Variants in RBM6 observed in about 807,000 individuals in gnomAD.
RBM6 encodes RNA-binding protein 6.
A neutral mutation model predicts 140.4 loss-of-function variants in RBM6; 23 were observed. The ratio of observed to expected loss-of-function variants is 0.16; its 90% CI spans 0.12 to 0.23. The LOEUF (loss-of-function observed/expected upper bound fraction) is 0.23, where lower values mean the gene tolerates loss of function less well. Among genes scored for constraint, RBM6 ranks in the 10% least tolerant of loss-of-function variants. The pLI is 1.00. For synonymous variants in RBM6, 439 were observed against 475.6 expected (o/e 0.92, Z 1.00); for missense variants, 1,139 against 1,386.7 (o/e 0.82, Z 2.84).
At chr3:49,958,458 C>T (rs2084113717) in intron 1 of RBM6, among the ~76,000 whole-genome samples, 1 of 152,152 alleles carries the variant, frequency 6.6e-6, no homozygotes, top group Non-Finnish European at 1.5e-5. Context: ...CACCTGTAGT[C>T]CCAGCTACTC....
intron 5 of RBM6, among the ~76,000 whole-genome samples, chr3:49,995,701 G>A (rs1353273740): frequency 6.6e-6 from 1 of 152,158 alleles, no homozygotes; most frequent in Non-Finnish European, 1.5e-5. Context: ...GAAGAAAGGG[G>A]TAATAAAGTA....
intron 6 of RBM6, among the ~76,000 whole-genome samples, chr3:50,012,830 C>T (rs367650263): frequency 2.0e-5 from 3 of 150,964 alleles, no homozygotes; most frequent in African/African-American, 7.3e-5. Context: ...ACAACCTCCC[C>T]GTCCCGGGTT....
chr3:49,975,475 T>C, intron 5 of RBM6, 83 bp downstream of exon 5: 1 of 1,198,474 alleles, frequency 8.3e-7, no homozygotes, highest in South Asian at 1.3e-5. Flanking sequence ...TAAAATTTGT[T>C]TCAAGAAACC....
intron 6 of RBM6, among the ~76,000 whole-genome samples, chr3:50,006,971 T>A (rs1276324864): frequency 1.3e-5 from 2 of 151,390 alleles, no homozygotes; most frequent in African/African-American, 4.9e-5. Flanking sequence ...ACAAAGTGAA[T>A]GTTGAGTGCA....
At chr3:49,941,850 G>T (rs1252537527) in intron 1 of RBM6, among the ~76,000 whole-genome samples, 2 of 151,072 alleles carry the variant, frequency 1.3e-5, no homozygotes, top group Non-Finnish European at 2.9e-5. Context: ...TTACAGGCGT[G>T]AGCCACCGTG....
chr3:49,976,780 C>T (rs1026615433), intron 5 of RBM6, among the ~76,000 whole-genome samples: 1 of 152,160 alleles, frequency 6.6e-6, no homozygotes, highest in Non-Finnish European at 1.5e-5. Flanking sequence ...ATTGTATTAA[C>T]ATATAGTGTC....
intron 8 of RBM6, 79 bp from the exon 9 acceptor site, chr3:50,057,649 A>G: frequency 3.1e-6 from 4 of 1,307,328 alleles, no homozygotes; most frequent in South Asian, 3.0e-5. Flanking sequence ...GTAAGGAGAA[A>G]TTACAGTAGC....
chr3:49,979,903 A>G (rs963071347), intron 5 of RBM6, among the ~76,000 whole-genome samples: 3 of 152,202 alleles, frequency 2.0e-5, no homozygotes, highest in Non-Finnish European at 4.4e-5. Flanking sequence ...ATTTTTGGGT[A>G]TAATGGAATT....
intron 8 of RBM6, among the ~76,000 whole-genome samples, chr3:50,057,026 A>G (rs1411600366): frequency 6.6e-6 from 1 of 152,210 alleles, no homozygotes; most frequent in East Asian, 1.9e-4. Flanking sequence ...TGTTTCTACT[A>G]AACCTTAAGT....
chr3:49,959,188 C>CTTTT (rs35892482), intron 1 of RBM6, among the ~76,000 whole-genome samples: 3 of 124,944 alleles, frequency 2.4e-5, no homozygotes, highest in African/African-American at 6.3e-5. Flanking sequence ...GATTTTTTTC[C>CTTTT]TTTTTTTTTT....
chr3:50,018,470 C>T (rs948912649), intron 6 of RBM6, among the ~76,000 whole-genome samples: 6 of 150,730 alleles, frequency 4.0e-5, no homozygotes, highest in Admixed American at 6.6e-5. Context: ...TTGACAGTTA[C>T]GAATAAAGCT....
chr3:49,996,827 A>G (rs571893700), intron 5 of RBM6, among the ~76,000 whole-genome samples: 44 of 152,330 alleles, frequency 2.9e-4, no homozygotes, highest in Non-Finnish European at 5.1e-4. Flanking sequence ...AAATTGGTCT[A>G]TGATCTTATT....
chr3:49,994,669 G>GGTGTGTGTGTGT (rs59949998), intron 5 of RBM6, among the ~76,000 whole-genome samples: 4,753 of 148,218 alleles, frequency 0.032, 134 homozygotes, highest in African/African-American at 0.062. Context: ...AAGGCTGTGG[G>GGTGTGTGTGTGT]GTGTGTGTGT....
chr3:49,960,971 G>A (rs1305853430), intron 1 of RBM6, among the ~76,000 whole-genome samples: 1 of 147,758 alleles, frequency 6.8e-6, no homozygotes, highest in Admixed American at 6.8e-5. Flanking sequence ...ATGCAGTGGT[G>A]CGATCTTGGC....
At chr3:49,962,756 A>G in intron 2 of RBM6, 71 bp downstream of exon 2, 2 of 1,332,944 alleles carry the variant, frequency 1.5e-6, no homozygotes, top group South Asian at 2.7e-5. Context: ...TTCGCCTACT[A>G]TAAATGAAGA....
intron 19 of RBM6, 100 bp from the exon 20 acceptor site, chr3:50,075,101 A>G (rs1049605620): frequency 1.7e-5 from 23 of 1,381,176 alleles, no homozygotes; most frequent in Middle Eastern, 2.1e-4. Flanking sequence ...GGTTGCAGTA[A>G]GCTGAGTTCG....
Position 50,048,248 on chromosome 3 carries a change from A to T in RBM6, c.1561A>T (p.Thr521Ser). 2 of 1,612,830 alleles carry T rather than the reference A, an allele frequency of 1.2e-6. No individual in the cohort carries two copies. The highest frequency in any genetic ancestry group is 1.7e-6 in the Non-Finnish European group (2 of 1,179,510). The change falls in exon 7 of 21, where the codon ACT (threonine) becomes TCT (serine). Residue 521 changes from threonine to serine, a missense_variant. Around this residue, in one of 9 missense-constraint regions of RBM6, gnomAD observed 58 missense variants for 99.7 expected, o/e 0.58. Transcript: ENST00000266022. ...AIGCMEANQG[T>S]LMIQDKEVTL... ...GCTTCTGTCTTTGTCTTTACAGGGA[A>T]CTCTAATGATCCAGGACAAAGAAGT...
rs556078452 is a variant in RBM6, at chr3:49,977,444, G to T, written c.1483+2052G>T. ...CACTGATTGGATATTTCTATCACTG[G>T]TATTTTTCAGTTGGATCTATCACTG... On this transcript the variant is annotated intron_variant, in intron 5 of 20. Coordinates refer to ENST00000266022, the MANE Select transcript of RBM6 (RefSeq NM_005777.3). Among the ~76,000 whole-genome samples the T allele has an allele frequency of 5.9e-5, 9 of 152,172 alleles. No homozygotes were observed. In the South Asian group the frequency reaches 1.9e-3, roughly 32 times the overall value.
chr3:50,052,986 GGTGTGTGTGT>G (rs57244510), intron 7 of RBM6, among the ~76,000 whole-genome samples: 28,769 of 134,584 alleles, frequency 0.21, 3,388 homozygotes, highest in Non-Finnish European at 0.27. Context: ...AGTGGGCAGG[GGTGTGTGTGT>G]GTGTGTGTGT....
Sources: allele counts gnomAD v4.1 joint callset (sites outside exome capture counted in the v4.1 genomes callset), GRCh38; gene constraint gnomAD v4.1.1; regional missense constraint gnomAD v4.1.1; transcripts MANE v1.5; gene names NCBI Gene and HGNC (gene_info 2026-07-23, HGNC 2026-07-21).